Variants in CANX observed in about 807,000 individuals in gnomAD.
The protein encoded by CANX is calnexin.
A neutral mutation model predicts 75.7 loss-of-function variants in CANX; 14 were observed. The ratio of observed to expected loss-of-function variants is 0.19; its 90% CI spans 0.12 to 0.29. The LOEUF (loss-of-function observed/expected upper bound fraction) is 0.29, where lower values mean the gene tolerates loss of function less well. Ranked by LOEUF, CANX falls within the 10% of genes least tolerant of loss-of-function variation. The pLI, the probability that CANX is intolerant of heterozygous loss-of-function variation, is 1.00. For missense variants in CANX, 567 were observed against 713.2 expected, an observed-to-expected ratio of 0.79 and a Z score of 2.34; for synonymous variants, 227 against 236.9, an observed-to-expected ratio of 0.96 and a Z score of 0.38.
At chr5:179,710,131 T>C (rs2058763829) in intron 7 of CANX, 66 bp downstream of exon 7, 3 of 1,034,006 alleles carry the variant, frequency 2.9e-6, no homozygotes, top group Non-Finnish European at 4.3e-6. Context: ...AATTTAAAGA[T>C]TGTATATCTG....
At chr5:179,713,217 G>C (rs1269048263) in intron 7 of CANX, among the ~76,000 whole-genome samples, 1 of 151,752 alleles carries the variant, frequency 6.6e-6, no homozygotes, top group African/African-American at 2.4e-5. Flanking sequence ...CAGTAGCTGG[G>C]ATTACAGGCA....
intron 13 of CANX, among the ~76,000 whole-genome samples, chr5:179,725,972 G>A (rs1778637342): frequency 7.0e-6 from 1 of 143,602 alleles, no homozygotes; most frequent in Non-Finnish European, 1.5e-5. Context: ...TGGCGACAGA[G>A]CGAGACTGAG....
At chr5:179,707,980 G>A (rs768599228) in intron 4 of CANX, among the ~76,000 whole-genome samples, 7 of 152,048 alleles carry the variant, frequency 4.6e-5, no homozygotes, top group Non-Finnish European at 8.8e-5. Context: ...GGGATTACAG[G>A]TGCCCATCAC....
intron 1 of CANX, chr5:179,678,875 G>A: frequency 6.5e-7 from 1 of 1,536,222 alleles, no homozygotes. Context: ...CCGCGTCCTC[G>A]CCAGCTGGCT....
intron 7 of CANX, among the ~76,000 whole-genome samples, chr5:179,712,507 C>T (rs1425675446): frequency 1.3e-5 from 2 of 151,896 alleles, no homozygotes; most frequent in African/African-American, 4.8e-5. Context: ...CAACCTCTGC[C>T]TCTTGCATTC....
chr5:179,715,408 G>T (rs13171662), intron 7 of CANX, among the ~76,000 whole-genome samples: 1 of 152,032 alleles, frequency 6.6e-6, no homozygotes, highest in Non-Finnish European at 1.5e-5. Flanking sequence ...GTGGCACGGG[G>T]CCGTCTGTAG....
chr5:179,691,548 G>GA (rs920262076), intron 1 of CANX, among the ~76,000 whole-genome samples: 2 of 147,966 alleles, frequency 1.4e-5, no homozygotes, highest in African/African-American at 2.5e-5. Context: ...TCTCTGCAAA[G>GA]AAAAAAAAGA....
At chr5:179,690,718 G>A (rs561140068) in intron 1 of CANX, among the ~76,000 whole-genome samples, 2 of 151,434 alleles carry the variant, frequency 1.3e-5, no homozygotes, top group South Asian at 4.2e-4. Flanking sequence ...GGTGGAAGCC[G>A]TCTCTACTAA....
At chr5:179,693,025 A>G (rs990078080) in intron 1 of CANX, among the ~76,000 whole-genome samples, 1 of 151,580 alleles carries the variant, frequency 6.6e-6, no homozygotes, top group Non-Finnish European at 1.5e-5. Flanking sequence ...AGGCGCCTGT[A>G]GTCCCTGCTA....
chr5:179,679,922 G>C (rs1776014321), intron 1 of CANX, among the ~76,000 whole-genome samples: 1 of 145,280 alleles, frequency 6.9e-6, no homozygotes. Context: ...GCCTCCCAAA[G>C]TGCCCGGATT....
upstream of CANX, chr5:179,698,961 C>T (rs986121202): frequency 1.3e-4 from 143 of 1,115,888 alleles, no homozygotes; most frequent in Non-Finnish European, 1.5e-4. Flanking sequence ...GGCTCGCTCG[C>T]GCGGCAGCGG....
rs958473912 is a variant in CANX at position 179,689,379 on chromosome 5, G to GTTTTTTTTT, written c.-4+10619_-4+10627dup. Among the ~76,000 whole-genome samples the GTTTTTTTTT allele has an allele frequency of 7.8e-3, 651 of 83,664 alleles. 65 individuals carry two copies. Among genetic ancestry groups the GTTTTTTTTT allele is most frequent in the South Asian group, 0.029 (55 of 1,866 alleles). 54.9% of individuals were successfully genotyped at this position (83,664 alleles called of 152,430 possible). On this transcript the variant is annotated intron_variant, in intron 1 of 14. Transcript: ENST00000681674. Reference sequence around the variant, plus strand: ...AAGAGAAAGCTACAAAACCCAACAAGTTTTTTTTTTTTTTTTTTTTTTTTT... The same window carrying GTTTTTTTTT: ...AAGAGAAAGCTACAAAACCCAACAAGTTTTTTTTTTTTTTTTTTTTTTTTTTTTTTTTTT...
chr5:179,713,780 A>G (rs1777737349), intron 7 of CANX, among the ~76,000 whole-genome samples: 1 of 151,982 alleles, frequency 6.6e-6, no homozygotes, highest in Non-Finnish European at 1.5e-5. Flanking sequence ...CAGGCTTGGT[A>G]GCATGTACCT....
At chr5:179,687,845 C>A (rs986103678) in intron 1 of CANX, among the ~76,000 whole-genome samples, 25 of 151,944 alleles carry the variant, frequency 1.6e-4, no homozygotes, top group Non-Finnish European at 2.5e-4. Flanking sequence ...ATGAGCCTGG[C>A]CAACATGGTG....
upstream of CANX, among the ~76,000 whole-genome samples, chr5:179,695,455 G>A (rs1166979912): frequency 2.0e-5 from 3 of 150,764 alleles, no homozygotes; most frequent in African/African-American, 5.0e-5. Context: ...TCAGCCTCCC[G>A]AGTAGCTGGG....
At chr5:179,692,807 C>A (rs1169901019) in intron 1 of CANX, among the ~76,000 whole-genome samples, 1 of 152,146 alleles carries the variant, frequency 6.6e-6, no homozygotes, top group Non-Finnish European at 1.5e-5. Context: ...AGAGCCATCG[C>A]ATGAGCACAT....
In CANX at chr5:179,704,527, GA is replaced by G. The variant is rs548978305; in HGVS notation, c.-3-1138del. 4.8e-3 allele frequency: 649 copies of G among 134,256 alleles called. 3 individuals carry two copies. The highest frequency in any genetic ancestry group is 4.2e-3 in the Non-Finnish European group (264 of 63,084). The allele number at this position is 134,256 out of a possible 1,614,324, so 8.3% of individuals were successfully genotyped here. ...GGCGATAGAGCAAGACTCATCTCAG[GA>G]AAAAAAAAAAAAAGGAGCTTGTTTT... On this transcript the variant is annotated intron_variant, in intron 1 of 14. Coordinates refer to ENST00000247461, the MANE Select transcript of CANX (RefSeq NM_001746.4).
intron 13 of CANX, among the ~76,000 whole-genome samples, chr5:179,725,771 C>T (rs181861448): frequency 2.2e-3 from 328 of 148,698 alleles, no homozygotes; most frequent in African/African-American, 7.5e-3. Context: ...GGGTGGATCA[C>T]GAGGTCAAGA....
chr5:179,703,763 G>C (rs975471923), intron 1 of CANX, among the ~76,000 whole-genome samples: 11 of 152,078 alleles, frequency 7.2e-5, no homozygotes, highest in Admixed American at 7.2e-4. Context: ...CAGCTATAGA[G>C]GGAGAGGGTG....
Sources: gnomAD v4.1 joint callset for allele counts (sites outside exome capture counted in the v4.1 genomes callset) on GRCh38, gnomAD v4.1.1 for gene constraint, MANE v1.5 for transcripts, NCBI Gene and HGNC (gene_info 2026-07-23, HGNC 2026-07-21) for gene names.